The following CLNK variants were observed in gnomAD, a reference collection of about 807,000 sequenced individuals.
CLNK encodes the protein cytokine dependent hematopoietic cell linker.
CLNK carries 74 observed loss-of-function variants against 68.6 expected under a neutral mutation model. That is an observed-to-expected ratio of 1.08 (90% CI 0.89 to 1.31). The LOEUF (loss-of-function observed/expected upper bound fraction) is 1.31, where lower values mean the gene tolerates loss of function less well. Ranked by LOEUF, CLNK falls within the 50% of genes most tolerant of loss-of-function variation. CLNK has a pLI of 0.00. For synonymous variants in CLNK, 198 were observed against 172.2 expected, an observed-to-expected ratio of 1.15 and a Z score of -1.17; for missense variants, 553 against 515.3, an observed-to-expected ratio of 1.07 and a Z score of -0.71.
At chr4:10,535,267 A>AAAGAAAGAAAGAAAG (rs1249333693) in intron 11 of CLNK, among the ~76,000 whole-genome samples, 2 of 82,678 alleles carry the variant, frequency 2.4e-5, no homozygotes, top group Non-Finnish European at 5.7e-5. Flanking sequence ...AAGAAAGAAA[A>AAAGAAAGAAAGAAAG]AATGGAAAGC....
At chr4:10,729,767 CAT>C in the CLNK span, among the ~76,000 whole-genome samples, 4 of 152,200 alleles carry the variant, frequency 2.6e-5, no homozygotes, top group African/African-American at 4.8e-5. Context: ...AAGTTTGAAA[CAT>C]ATAATTTATG....
rs146891377 is a variant in CLNK at position 10,564,699 on chromosome 4, G to T, written c.371C>A (p.Thr124Asn). The change falls in exon 7 of 19, where the codon ACC becomes AAC. Residue 124 changes from threonine (T) to asparagine (N), a missense_variant. By Grantham distance (65) the Thr-to-Asn change is moderately conservative. Coordinates refer to ENST00000226951, the MANE Select transcript of CLNK (RefSeq NM_052964.4). ...TTCCAACCTCGTCTGTGTGTTCCAG[G>T]TCGGCTGTCCAATGGAGATAGAGGT... ...TRTSISIGQP[T>N]WNTQTRLERV... 1.4e-5 allele frequency: 23 copies of T among 1,613,340 alleles called. 1 individual carries two copies. Among genetic ancestry groups the T allele is most frequent in the Middle Eastern group, 3.3e-4 (2 of 6,062 alleles).
At chr4:10,537,836 A>G (rs1039427389) in intron 11 of CLNK, among the ~76,000 whole-genome samples, 5 of 146,274 alleles carry the variant, frequency 3.4e-5, no homozygotes, top group Admixed American at 7.0e-5. Flanking sequence ...CTGTGCTGTG[A>G]CGGATATTAT....
intron 2 of CLNK, among the ~76,000 whole-genome samples, chr4:10,616,972 C>A (rs1017349562): frequency 3.3e-5 from 5 of 151,912 alleles, no homozygotes; most frequent in African/African-American, 9.7e-5. Context: ...GTACATGGCA[C>A]ACCTAGGATG....
At chr4:10,698,694 T>G in the CLNK span, among the ~76,000 whole-genome samples, 346 of 152,304 alleles carry the variant, frequency 2.3e-3, 9 homozygotes, top group East Asian at 0.059. Context: ...GTGAAAGAGC[T>G]CTTGTGAACC....
chr4:10,641,935 C>A lies in CLNK; in HGVS notation c.11+25924G>T, dbSNP rs540985498. ...CTTGGTTCTCATTCTCTCTTGCCTG[C>A]CACCATGTAACGTGTGCCTTTCTCC... On this transcript the variant is annotated intron_variant, in intron 2 of 18. Transcript: ENST00000226951. Among the ~76,000 whole-genome samples the A allele has an allele frequency of 4.6e-5, 7 of 152,268 alleles. No individual in the cohort carries two copies. In the East Asian group the frequency reaches 1.4e-3, roughly 29 times the overall value.
At chr4:10,540,414 CTTTG>C in intron 11 of CLNK, 76 bp downstream of exon 11, 1 of 1,053,824 alleles carries the variant, frequency 9.5e-7, no homozygotes, top group Non-Finnish European at 1.5e-6. Flanking sequence ...CTGAAAGGTA[CTTTG>C]TTTGGTTTCC....
At chr4:10,513,663 G>C in intron 15 of CLNK, 66 bp from the exon 16 acceptor site, 4 of 1,474,578 alleles carry the variant, frequency 2.7e-6, no homozygotes, top group Non-Finnish European at 3.6e-6. Context: ...CCCACCTCCA[G>C]AAAGGAGCTG....
chr4:10,645,125 G>T (rs1723459583), intron 2 of CLNK, among the ~76,000 whole-genome samples: 2 of 152,186 alleles, frequency 1.3e-5, no homozygotes, highest in Admixed American at 1.3e-4. Flanking sequence ...ATTCCAAAAA[G>T]CCTTCCCTGA....
intron 2 of CLNK, among the ~76,000 whole-genome samples, chr4:10,650,845 A>G (rs1426589660): frequency 6.6e-6 from 1 of 152,182 alleles, no homozygotes; most frequent in African/African-American, 2.4e-5. Context: ...ACTTAAACAA[A>G]TTTACAAGAA....
At chr4:10,597,802 G>T (rs113546205) in intron 3 of CLNK, among the ~76,000 whole-genome samples, 176 bp downstream of exon 3, 2 of 152,194 alleles carry the variant, frequency 1.3e-5, no homozygotes, top group African/African-American at 4.8e-5. Context: ...TCACACACCT[G>T]CTGGCTGCTC....
chr4:10,679,529 C>A (rs540729263), intron 1 of CLNK, among the ~76,000 whole-genome samples: 1 of 152,272 alleles, frequency 6.6e-6, no homozygotes, highest in South Asian at 2.1e-4. Context: ...TCTAATTAAA[C>A]TAAAGAGCTC....
At chr4:10,676,057 GTGTGTGTGTGTGTGTGTGTGTCTA>G (rs922795870) in intron 1 of CLNK, among the ~76,000 whole-genome samples, 8 of 150,554 alleles carry the variant, frequency 5.3e-5, no homozygotes, top group South Asian at 2.1e-4. Context: ...GTGTGTGTGT[GTGTGTGTGTGTGTGTGTGTGTCTA>G]TGTGTGTGTG....
chr4:10,717,013 C>T, the CLNK span, among the ~76,000 whole-genome samples: 7 of 139,634 alleles, frequency 5.0e-5, no homozygotes, highest in East Asian at 2.0e-4. Context: ...CGTAGCCAAA[C>T]GCCACAGAAA....
chr4:10,513,311 A>ATACTT (rs1170856490), intron 16 of CLNK, among the ~76,000 whole-genome samples, 153 bp downstream of exon 16: 3 of 152,232 alleles, frequency 2.0e-5, no homozygotes, highest in Non-Finnish European at 4.4e-5. Context: ...AAATATTAAA[A>ATACTT]TACTTTAAAA....
chr4:10,523,813 C>G (rs1718184425), intron 14 of CLNK: 1 of 181,414 alleles, frequency 5.5e-6, no homozygotes, highest in Non-Finnish European at 1.2e-5. Context: ...TCACTTGAGC[C>G]CAGGAGTTCG....
At chr4:10,635,422 G>GC (rs1164269135) in intron 2 of CLNK, among the ~76,000 whole-genome samples, 2 of 152,238 alleles carry the variant, frequency 1.3e-5, no homozygotes, top group African/African-American at 4.8e-5. Context: ...CCAGAATTTA[G>GC]CTGTACAGTA....
At chr4:10,547,305 C>G (rs1284037099) in intron 8 of CLNK, among the ~76,000 whole-genome samples, 2 of 152,032 alleles carry the variant, frequency 1.3e-5, no homozygotes, top group East Asian at 3.9e-4. Flanking sequence ...TTTAAACCAC[C>G]TCATTAAGGT....
chr4:10,656,211 AT>A (rs1238015143), intron 2 of CLNK, among the ~76,000 whole-genome samples: 2 of 151,950 alleles, frequency 1.3e-5, no homozygotes, highest in Admixed American at 6.6e-5. Flanking sequence ...TTGACCTGAA[AT>A]TACGGTCACC....
Sources: gnomAD v4.1 joint callset for allele counts (sites outside exome capture counted in the v4.1 genomes callset) on GRCh38, gnomAD v4.1.1 for gene constraint, MANE v1.5 for transcripts, NCBI Gene and HGNC (gene_info 2026-07-23, HGNC 2026-07-21) for gene names.